The following FGFRL1 variants were observed in gnomAD, a reference collection of about 807,000 sequenced individuals.
The protein encoded by FGFRL1 is fibroblast growth factor receptor like 1, also known as fibroblast growth factor receptor-like 1.
Under a neutral mutation model 36.8 loss-of-function variants are expected in FGFRL1, and 24 were observed. That is an observed-to-expected ratio of 0.65 (90% CI 0.47 to 0.92). The LOEUF is 0.92. Among genes scored for constraint, FGFRL1 ranks in the 40% least tolerant of loss-of-function variants. The pLI, the probability that FGFRL1 is intolerant of heterozygous loss-of-function variation, is 0.00. For synonymous variants in FGFRL1, 422 were observed against 344.1 expected, an observed-to-expected ratio of 1.23 and a Z score of -2.50; for missense variants, 785 against 753.4, an observed-to-expected ratio of 1.04 and a Z score of -0.49.
rs1297286619 is a variant in FGFRL1 at position 1,022,212 on chromosome 4, A to G, written c.89A>G (p.Lys30Arg). The change falls in exon 3 of 7, where the codon AAG (lysine) becomes AGG (arginine). Residue 30 changes from lysine to arginine, a missense_variant. Physicochemically the swap from Lys to Arg is conservative, Grantham distance 26. Transcript: ENST00000510644. ...PPAAAARGPP[K>R]MADKVVPRQV... ...TCGGTCCCACCCGCAGGCCCCCCAA[A>G]GATGGCGGACAAGGTGGTCCCACGG... 21 of 1,533,294 alleles carry G rather than the reference A, an allele frequency of 1.4e-5. No individual in the cohort carries two copies. Among genetic ancestry groups the G allele is most frequent in the Non-Finnish European group, 1.8e-5 (21 of 1,137,354 alleles). 95.0% of individuals were successfully genotyped at this position (1,533,294 alleles called of 1,614,324 possible).
At chr4:1,024,726 C>T (rs904866849) in intron 6 of FGFRL1, 62 bp downstream of exon 6, 37 of 1,497,744 alleles carry the variant, frequency 2.5e-5, no homozygotes, top group Non-Finnish European at 3.0e-5. Flanking sequence ...CTGGGCCCGG[C>T]GTCCCACCCA....
intron 2 of FGFRL1, among the ~76,000 whole-genome samples, chr4:1,017,668 G>T (rs1221072112): frequency 6.6e-6 from 1 of 152,178 alleles, no homozygotes; most frequent in Non-Finnish European, 1.5e-5. Context: ...CCAGTGTCCT[G>T]GTCCTAGCTC....
rs1212501804 is a variant in FGFRL1 at position 1,024,058 on chromosome 4, C to T, written c.675C>T (p.Asn225=). The change falls in exon 5 of 7, where the codon AAC becomes AAT. Residue 225 remains asparagine (N), a synonymous_variant. Coordinates refer to ENST00000510644, the MANE Select transcript of FGFRL1 (RefSeq NM_001004356.3). The part of the protein sequence containing the change: ...DSGKYTCRVS[N]RAGAINATYK... ...GCAAATACACCTGCCGCGTGTCGAA[C>T]CGCGCGGGCGCCATCAACGCCACCT... is the stretch of plus-strand genomic sequence containing the variant. 6.2e-7 allele frequency: 1 copy of T among 1,605,420 alleles called. No homozygotes were observed. The highest frequency in any genetic ancestry group is 1.1e-5 in the South Asian group (1 of 90,454).
In FGFRL1 at chr4:1,022,124, G is replaced by A. The variant is rs977888120; in HGVS notation, c.80-79G>A. The A allele has an allele frequency of 8.1e-5, 92 of 1,140,728 alleles. No homozygotes were observed. The East Asian group carries it at 1.4e-3, about 18-fold the overall frequency. The allele number at this position is 1,140,728 out of a possible 1,614,324, so 70.7% of individuals were successfully genotyped here. On this transcript the variant is annotated intron_variant, in intron 2 of 6. Coordinates refer to ENST00000510644, the MANE Select transcript of FGFRL1 (RefSeq NM_001004356.3). Reference sequence around the variant, plus strand: ...TCAGGCCCGAGGTCTGTGCTGGGCCGTGGGTCCCCTTTTGACCGCCCCCCC... The same window carrying A: ...TCAGGCCCGAGGTCTGTGCTGGGCCATGGGTCCCCTTTTGACCGCCCCCCC...
At chr4:1,022,705 G>A (rs1716263535) in intron 3 of FGFRL1, among the ~76,000 whole-genome samples, 1 of 152,214 alleles carries the variant, frequency 6.6e-6, no homozygotes, top group African/African-American at 2.4e-5. Flanking sequence ...CTTCCTCCCA[G>A]CGGAGGGCGG....
At position 1,024,540 on chromosome 4, in the gene FGFRL1, C is replaced by T. The variant is rs147385493; in HGVS notation, c.948C>T (p.Asp316=). The T allele has an allele frequency of 9.3e-4, 1,497 of 1,612,496 alleles. 6 individuals carry two copies. Among genetic ancestry groups the T allele is most frequent in the South Asian group, 2.6e-3 (240 of 91,090 alleles). ...CGGGTGACGTGTGGTCGCGGCCCGA[C>T]GGCTCCTACCTCAATAAGCTGCTCA... The part of the protein sequence containing the change: ...LPTGDVWSRP[D]GSYLNKLLIT... Residue 316 remains aspartate, a synonymous_variant, in exon 6 of 7, where the codon GAC becomes GAT. Transcript: ENST00000510644.
rs1716311335 is a variant in FGFRL1 at position 1,023,550 on chromosome 4, G to A, written c.353-91G>A. On this transcript the variant is annotated intron_variant, in intron 3 of 6. Coordinates refer to ENST00000510644, the MANE Select transcript of FGFRL1 (RefSeq NM_001004356.3). This position sits in a 1 kb window ranked among gnomAD's most constrained non-coding sequence, Gnocchi z 6.0. ...GGGTGTCCAGGGCTGTCCCGGCTGG[G>A]GCTGGGGGAGCTAGAGGCCACGGGG... 2 of 1,213,580 alleles carry A rather than the reference G, an allele frequency of 1.6e-6. No individual in the cohort carries two copies. The highest frequency in any genetic ancestry group is 1.3e-5 in the South Asian group (1 of 76,934). The allele number at this position is 1,213,580 out of a possible 1,614,324, so 75.2% of individuals were successfully genotyped here.
chr4:1,015,942 T>C lies in FGFRL1; in HGVS notation c.79+3378T>C, dbSNP rs563251019. On this transcript the variant is annotated intron_variant, in intron 2 of 6. Coordinates refer to ENST00000510644, the MANE Select transcript of FGFRL1 (RefSeq NM_001004356.3). ...GCGCAGTACCATGCACCAGGGTGCCTGACGCAGGCATCACTGTGTGTCCTG... is the reference window on the plus strand; with the variant it reads ...GCGCAGTACCATGCACCAGGGTGCCCGACGCAGGCATCACTGTGTGTCCTG... 1.1e-4 allele frequency among the ~76,000 whole-genome samples: 17 copies of C among 152,360 alleles called. No homozygotes were observed. In the South Asian group the frequency reaches 3.1e-3, roughly 28 times the overall value.
intron 2 of FGFRL1, 28 bp downstream of exon 2, chr4:1,012,592 C>G: frequency 2.6e-6 from 3 of 1,136,348 alleles, no homozygotes; most frequent in Middle Eastern, 2.3e-4. Context: ...GCCCGGCCAG[C>G]CTGGCCTCCG....
Position 1,012,518 on chromosome 4 carries a change from G to C in FGFRL1, c.33G>C (p.Leu11=), listed in dbSNP as rs2153024831. 6.4e-7 allele frequency: 1 copy of C among 1,550,610 alleles called. No individual in the cohort carries two copies. The highest frequency in any genetic ancestry group is 1.2e-5 in the South Asian group (1 of 84,906). ...CGAGCCCCCTGTTGCTGCTCCTGCT[G>C]CCGCCGCTGCTGCTGGGGGCCTTCC... MTPSPLLLLL[L]PPLLLGAFPP... Residue 11 remains leucine (L), a synonymous_variant, in exon 2 of 7, where the codon CTG becomes CTC. Transcript: ENST00000510644.
intron 2 of FGFRL1, among the ~76,000 whole-genome samples, chr4:1,017,524 G>T (rs997221569): frequency 6.6e-6 from 1 of 152,220 alleles, no homozygotes; most frequent in Non-Finnish European, 1.5e-5. Context: ...TGTCCCTACT[G>T]GGTCAGGAGT....
chr4:1,024,459 G>T lies in FGFRL1; in HGVS notation c.867G>T (p.Glu289Asp), dbSNP rs564517711. ...TGAAGCGCGTGGAGTACGGCGCCGA[G>T]GGCCGCCACAACTCCACCATCGATG... ...QWLKRVEYGA[E>D]GRHNSTIDVG... The change falls in exon 6 of 7, where the codon GAG (glutamate) becomes GAT (aspartate). Residue 289 changes from glutamate (E) to aspartate (D), a missense_variant. By Grantham distance (45) the Glu-to-Asp change is conservative. Coordinates refer to ENST00000510644, the MANE Select transcript of FGFRL1 (RefSeq NM_001004356.3). The T allele has an allele frequency of 5.3e-5, 86 of 1,612,430 alleles. 2 individuals carry two copies. The Admixed American group carries it at 9.8e-4, about 18-fold the overall frequency.
At chr4:1,024,806 G>A in intron 6 of FGFRL1, 99 bp from the exon 7 acceptor site, 2 of 1,420,750 alleles carry the variant, frequency 1.4e-6, no homozygotes, top group Non-Finnish European at 1.9e-6. Flanking sequence ...GGGCAGCCCA[G>A]GGGCACCGTC....
intron 2 of FGFRL1, among the ~76,000 whole-genome samples, chr4:1,017,735 C>G (rs1035815319): frequency 1.3e-5 from 2 of 152,198 alleles, no homozygotes; most frequent in Non-Finnish European, 2.9e-5. Flanking sequence ...GCCTGGGTGT[C>G]TCTCCCTGTG....
rs1438855050 is a variant in FGFRL1, at chr4:1,026,323, G to A, written c.*976G>A. 7.6e-6 allele frequency: 1 copy of A among 130,968 alleles called. No homozygotes were observed. Among genetic ancestry groups the A allele is most frequent in the Non-Finnish European group, 1.8e-5 (1 of 56,694 alleles). 8.1% of individuals were successfully genotyped at this position (130,968 alleles called of 1,614,324 possible). A position where few individuals can be genotyped will look rare whatever the true frequency, so the allele number is the denominator to read the frequency against. ...TGCCTGGACACACGCAGACTGACGT[G>A]CTTTTGGGAGGGTGTGCCGTGAAGC... On this transcript the variant is annotated 3_prime_UTR_variant, in exon 7 of 7. Transcript: ENST00000510644.
intron 2 of FGFRL1, among the ~76,000 whole-genome samples, chr4:1,014,540 G>A (rs1209597183): frequency 6.6e-6 from 1 of 152,246 alleles, no homozygotes; most frequent in Non-Finnish European, 1.5e-5. Context: ...CCCTGACCCA[G>A]GTGGGCAGGG....
At position 1,023,355 on chromosome 4, in the gene FGFRL1, C is replaced by T. The variant is rs1041174281; in HGVS notation, c.353-286C>T. Among the ~76,000 whole-genome samples the T allele has an allele frequency of 2.1e-4, 32 of 152,236 alleles. No homozygotes were observed. The highest frequency in any genetic ancestry group is 1.4e-3 in the Admixed American group (21 of 15,308). On this transcript the variant is annotated intron_variant, in intron 3 of 6. Coordinates refer to ENST00000510644, the MANE Select transcript of FGFRL1 (RefSeq NM_001004356.3). This position sits in a 1 kb window ranked among gnomAD's most constrained non-coding sequence, Gnocchi z 6.0. Reference sequence around the variant, plus strand: ...GGTTACTGCAGCTGCTGGCCGGGCCCGGCTCCCTCCTCCCCCGGGGCCTGC... The same window carrying T: ...GGTTACTGCAGCTGCTGGCCGGGCCTGGCTCCCTCCTCCCCCGGGGCCTGC...
In FGFRL1 at chr4:1,022,357, C is replaced by A. The variant is rs61733101; in HGVS notation, c.234C>A (p.Arg78=). The A allele has an allele frequency of 3.0e-4, 482 of 1,608,224 alleles. No individual in the cohort carries two copies. In the African/African-American group the frequency reaches 5.4e-3, roughly 18 times the overall value. The change falls in exon 3 of 7, where the codon CGC becomes CGA. Residue 78 remains arginine, a synonymous_variant. Coordinates refer to ENST00000510644, the MANE Select transcript of FGFRL1 (RefSeq NM_001004356.3). ...TCCACAGCGGCTGGAGCCGCTTCCG[C>A]GTGCTGCCGCAGGGGCTGAAGGTGA... ...RTIHSGWSRF[R]VLPQGLKVKQ... is the part of the protein sequence containing the mutation.
intron 2 of FGFRL1, among the ~76,000 whole-genome samples, chr4:1,016,410 C>T (rs1412097346): frequency 6.6e-5 from 10 of 152,064 alleles, no homozygotes; most frequent in African/African-American, 1.2e-4. Context: ...GGGATGGGTA[C>T]GGAGGAATCT....
Sources: gnomAD v4.1 joint callset for allele counts (sites outside exome capture counted in the v4.1 genomes callset) on GRCh38, gnomAD v4.1.1 for gene constraint, Gnocchi (gnomAD v3.1) non-coding constraint, MANE v1.5 for transcripts, NCBI Gene and HGNC (gene_info 2026-07-23, HGNC 2026-07-21) for gene names.